The following FAM120B variants were observed in gnomAD, a reference collection of about 807,000 sequenced individuals.
FAM120B encodes constitutive coactivator of peroxisome proliferator-activated receptor gamma.
In FAM120B, 83 loss-of-function variants were observed where a neutral mutation model predicts 96.3. The observed-to-expected ratio is 0.86, with a 90% CI of 0.72 to 1.03. The LOEUF (loss-of-function observed/expected upper bound fraction) is 1.03, where lower values mean the gene tolerates loss of function less well. Among genes scored for constraint, FAM120B ranks in the 50% least tolerant of loss-of-function variants. FAM120B has a pLI of 0.00. For missense variants in FAM120B, 1,027 were observed against 1,121.2 expected, an observed-to-expected ratio of 0.92 and a Z score of 1.20; for synonymous variants, 407 against 402.7, an observed-to-expected ratio of 1.01 and a Z score of -0.13.
intron 4 of FAM120B, among the ~76,000 whole-genome samples, chr6:170,345,960 C>G (rs1666890854): frequency 6.6e-6 from 1 of 152,236 alleles, no homozygotes; most frequent in Admixed American, 6.5e-5. Flanking sequence ...TGGCCTGTGT[C>G]TCCCAGGCTG....
intron 3 of FAM120B, among the ~76,000 whole-genome samples, chr6:170,325,163 G>T (rs966765282): frequency 6.6e-5 from 10 of 152,156 alleles, no homozygotes; most frequent in Non-Finnish European, 4.4e-5. Flanking sequence ...CTTTTAACAG[G>T]AGAGTTCACT....
chr6:170,322,005 T>C (rs1785324813), intron 2 of FAM120B, among the ~76,000 whole-genome samples: 1 of 152,214 alleles, frequency 6.6e-6, no homozygotes, highest in Admixed American at 6.5e-5. Flanking sequence ...TGAATAGTAA[T>C]CTAGATGAAC....
intron 6 of FAM120B, among the ~76,000 whole-genome samples, chr6:170,382,122 A>C (rs1457583841): frequency 6.6e-6 from 1 of 152,020 alleles, no homozygotes; most frequent in African/African-American, 2.4e-5. Flanking sequence ...AGGAATCTAC[A>C]AAAAAAACTA....
chr6:170,369,242 G>A (rs1296150702), intron 6 of FAM120B, among the ~76,000 whole-genome samples: 3 of 152,166 alleles, frequency 2.0e-5, no homozygotes, highest in African/African-American at 7.2e-5. Context: ...AGACTTTCCA[G>A]TATTTATCCA....
chr6:170,366,069 A>G (rs928513482), intron 6 of FAM120B, among the ~76,000 whole-genome samples: 15 of 152,128 alleles, frequency 9.9e-5, no homozygotes, highest in African/African-American at 3.4e-4. Context: ...AAAATAGATA[A>G]ATAAGCAAAA....
At chr6:170,329,646 G>A (rs1203381691) in intron 3 of FAM120B, among the ~76,000 whole-genome samples, 1 of 151,622 alleles carries the variant, frequency 6.6e-6, no homozygotes, top group Non-Finnish European at 1.5e-5. Context: ...CCTGTGATTA[G>A]CGAATCTCTG....
At chr6:170,400,523 A>T (rs1315074816) in intron 9 of FAM120B, among the ~76,000 whole-genome samples, 2 of 152,066 alleles carry the variant, frequency 1.3e-5, no homozygotes, top group South Asian at 2.1e-4. Flanking sequence ...GCCCCTTCCC[A>T]GTGGCCTGCC....
chr6:170,331,342 C>T (rs951549422), intron 4 of FAM120B, among the ~76,000 whole-genome samples: 5 of 152,292 alleles, frequency 3.3e-5, no homozygotes, highest in East Asian at 1.9e-4. Flanking sequence ...TCTCTGGTTT[C>T]GCTACTATTT....
Position 170,319,099 on chromosome 6 carries a change from T to A in FAM120B, c.1709T>A (p.Met570Lys), listed in dbSNP as rs1462747484. The A allele has an allele frequency of 4.4e-6, 7 of 1,575,764 alleles. No individual in the cohort carries two copies. Among genetic ancestry groups the A allele is most frequent in the Non-Finnish European group, 5.2e-6 (6 of 1,164,498 alleles). ...CCTGAAGTAAAGCAACAAGTAACCA[T>A]GGTTTCAGACACTGAAATCTTAAAG... Reference protein sequence around the residue: ...VGPEVKQQVTMVSDTEILKVA... With the variant: ...VGPEVKQQVTKVSDTEILKVA... The change falls in exon 2 of 11, where the codon ATG (methionine) becomes AAG (lysine). Residue 570 changes from methionine to lysine, a missense_variant. By Grantham distance (95) the Met-to-Lys change is moderately conservative. Transcript: ENST00000476287.
At chr6:170,325,912 C>T (rs1215023327) in intron 3 of FAM120B, among the ~76,000 whole-genome samples, 1 of 150,714 alleles carries the variant, frequency 6.6e-6, no homozygotes, top group African/African-American at 2.4e-5. Context: ...AAAATAATTG[C>T]GGTTTTTGCA....
chr6:170,339,913 C>T (rs925818601), intron 4 of FAM120B, among the ~76,000 whole-genome samples: 18 of 152,062 alleles, frequency 1.2e-4, no homozygotes, highest in African/African-American at 4.3e-4. Flanking sequence ...TCTCTGGCTG[C>T]CCTTAACATT....
At chr6:170,393,258 A>G (rs908544788) in intron 8 of FAM120B, among the ~76,000 whole-genome samples, 5 of 151,894 alleles carry the variant, frequency 3.3e-5, no homozygotes, top group African/African-American at 1.2e-4. Flanking sequence ...AGAGACCTGC[A>G]GATGCTGGAC....
chr6:170,325,744 G>T (rs1785548781), intron 3 of FAM120B, among the ~76,000 whole-genome samples: 1 of 151,770 alleles, frequency 6.6e-6, no homozygotes, highest in Admixed American at 6.6e-5. Flanking sequence ...GAGAGGCTGA[G>T]GCAGGAGAAT....
chr6:170,375,430 G>C (rs1052764392), intron 6 of FAM120B, among the ~76,000 whole-genome samples: 1 of 152,188 alleles, frequency 6.6e-6, no homozygotes, highest in Non-Finnish European at 1.5e-5. Context: ...GCCTACAAAG[G>C]ACGTATGTTG....
intron 9 of FAM120B, among the ~76,000 whole-genome samples, chr6:170,403,314 AG>A (rs1778679857): frequency 6.6e-6 from 1 of 152,140 alleles, no homozygotes; most frequent in Admixed American, 6.5e-5. Flanking sequence ...AATTACTGTG[AG>A]GGAGTTTGGG....
chr6:170,303,541 C>T (rs1315370520), upstream of FAM120B, among the ~76,000 whole-genome samples: 1 of 152,210 alleles, frequency 6.6e-6, no homozygotes, highest in Non-Finnish European at 1.5e-5. Flanking sequence ...TGTGCCCGGC[C>T]TTATGCTCAT....
intron 8 of FAM120B, among the ~76,000 whole-genome samples, chr6:170,392,175 T>C (rs1029230656): frequency 3.3e-5 from 5 of 152,214 alleles, no homozygotes; most frequent in African/African-American, 1.2e-4. Flanking sequence ...CGTTTCAGGG[T>C]ACCCTTGACA....
intron 1 of FAM120B, among the ~76,000 whole-genome samples, chr6:170,309,640 T>C (rs1784478852): frequency 6.6e-6 from 1 of 152,270 alleles, no homozygotes; most frequent in South Asian, 2.1e-4. Context: ...GTTAATACTG[T>C]TCCTATTAGG....
At chr6:170,357,383 C>T (rs77496500) in intron 5 of FAM120B, among the ~76,000 whole-genome samples, 1 of 152,270 alleles carries the variant, frequency 6.6e-6, no homozygotes, top group African/African-American at 2.4e-5. Context: ...GTCTTCCCCG[C>T]TCTTCACGCC....
Sources: gnomAD v4.1 joint callset for allele counts (sites outside exome capture counted in the v4.1 genomes callset) on GRCh38, gnomAD v4.1.1 for gene constraint, MANE v1.5 for transcripts, NCBI Gene and HGNC (gene_info 2026-07-23, HGNC 2026-07-21) for gene names.